MCF2L: variants seen among roughly 807,000 people sequenced by gnomAD.
The protein encoded by MCF2L is MCF.2 cell line derived transforming sequence like.
A neutral mutation model predicts 153.4 loss-of-function variants in MCF2L; 97 were observed. The observed-to-expected ratio is 0.63, with a 90% CI of 0.54 to 0.75. MCF2L has a LOEUF of 0.75. Ranked by LOEUF, MCF2L falls within the 30% of genes least tolerant of loss-of-function variation. The pLI is 0.00. For missense variants in MCF2L, 1,347 were observed against 1,495.2 expected, an observed-to-expected ratio of 0.90 and a Z score of 1.64; for synonymous variants, 659 against 632.2, an observed-to-expected ratio of 1.04 and a Z score of -0.64.
rs2082989883 is a variant in MCF2L at position 112,993,727 on chromosome 13, GAGGTT to G, written c.80-21031_80-21027del. Reference sequence around the variant, plus strand: ...TCAGTCAAGAGAGACTTCAGAGGGAGAGGTTAGGTGATCCCATCCCATTTTAGCAC... The same window carrying G: ...TCAGTCAAGAGAGACTTCAGAGGGAGAGGTGATCCCATCCCATTTTAGCAC... On this transcript the variant is annotated intron_variant, in intron 1 of 29. Coordinates refer to ENST00000535094, the MANE Select transcript of MCF2L (RefSeq NM_001112732.3). This position sits in a 1 kb window ranked among gnomAD's most constrained non-coding sequence, Gnocchi z 4.6. Among the ~76,000 whole-genome samples, 1 of 152,290 alleles carries G rather than the reference GAGGTT, an allele frequency of 6.6e-6. No homozygotes were observed. The highest frequency in any genetic ancestry group is 1.5e-5 in the Non-Finnish European group (1 of 68,036).
chr13:112,948,744 A>G (rs2081661910), intron 2 of MCF2L, among the ~76,000 whole-genome samples: 1 of 152,224 alleles, frequency 6.6e-6, no homozygotes, highest in African/African-American at 2.4e-5. Context: ...AGCAGAAGGA[A>G]GGAAATAACT....
chr13:112,929,327 C>T (rs1048594462), intron 2 of MCF2L, among the ~76,000 whole-genome samples: 7 of 152,234 alleles, frequency 4.6e-5, no homozygotes, highest in African/African-American at 1.7e-4. Flanking sequence ...GATTCCTGCG[C>T]GGCTGCAGCA....
At chr13:113,016,558 C>A (rs550433399) in intron 2 of MCF2L, among the ~76,000 whole-genome samples, 1 of 152,168 alleles carries the variant, frequency 6.6e-6, no homozygotes, top group Admixed American at 6.5e-5. Context: ...CCAAAGCCTC[C>A]GTCGGCTCCT....
Position 112,902,219 on chromosome 13 carries a change from G to C in MCF2L, c.17G>C (p.Arg6Thr), listed in dbSNP as rs761059421. The C allele has an allele frequency of 6.2e-6, 10 of 1,612,640 alleles. No individual in the cohort carries two copies. The African/African-American group carries it at 1.3e-4, about 22-fold the overall frequency. The change falls in exon 2 of 30, where the codon AGA becomes ACA. Residue 6 changes from arginine (R) to threonine (T), a missense_variant. Coordinates refer to the MCF2L transcript ENST00000375608. ...TGCAGCCTCATGTTTGACTGTTGGA[G>C]ATTTATCCTGTGCAAGAGACCTGGA...
chr13:113,042,570 C>T (rs1021848157), intron 3 of MCF2L: 3 of 152,204 alleles, frequency 2.0e-5, no homozygotes, highest in Non-Finnish European at 1.5e-5. Context: ...TGGCATCGGG[C>T]GCCTTTTTCG....
intron 2 of MCF2L, among the ~76,000 whole-genome samples, chr13:113,021,839 T>C (rs947321542): frequency 2.6e-4 from 40 of 152,254 alleles, no homozygotes; most frequent in African/African-American, 9.6e-4. Flanking sequence ...AAGAACAGGG[T>C]CTTTGCTTTG....
intron 1 of MCF2L, among the ~76,000 whole-genome samples, chr13:112,991,459 A>T (rs117926700): frequency 0.016 from 2,406 of 152,298 alleles, 35 homozygotes; most frequent in South Asian, 0.035. Flanking sequence ...TCAGGATACG[A>T]ACACCTTTCA....
chr13:112,990,338 G>A lies in MCF2L; in HGVS notation c.79+20880G>A, dbSNP rs142687591. 1.8e-3 allele frequency among the ~76,000 whole-genome samples: 280 copies of A among 152,326 alleles called. 1 individual carries two copies. Among genetic ancestry groups the A allele is most frequent in the Non-Finnish European group, 3.2e-3 (216 of 68,036 alleles). ...AAACCCTGCAGTGTCAGGTAAGTTC[G>A]GGGACAGGAGACCACTTTGTCTTCA... is the stretch of plus-strand genomic sequence containing the variant. On this transcript the variant is annotated intron_variant, in intron 1 of 29. Transcript: ENST00000535094.
chr13:113,082,670 G>A (rs2034260615), intron 17 of MCF2L, 128 bp downstream of exon 17: 1 of 674,880 alleles, frequency 1.5e-6, no homozygotes, highest in East Asian at 2.8e-5. Flanking sequence ...CCAAGGGGTG[G>A]ACTCACAGAG....
chr13:112,998,321 C>T (rs1173540940), intron 1 of MCF2L, among the ~76,000 whole-genome samples: 1 of 152,074 alleles, frequency 6.6e-6, no homozygotes, highest in African/African-American at 2.4e-5. Flanking sequence ...AACCCAGGGC[C>T]CTGGCATGTC....
chr13:112,927,713 A>G (rs72661912), intron 2 of MCF2L, among the ~76,000 whole-genome samples: 1 of 152,304 alleles, frequency 6.6e-6, no homozygotes, highest in Non-Finnish European at 1.5e-5. Context: ...CTGACCAGGC[A>G]CCTAGATGTA....
chr13:113,064,680 C>T lies in MCF2L; in HGVS notation c.607-256C>T, dbSNP rs2032084634. ...CCCTTGCGTTGTGGTTTGCAACACT[C>T]ACTGCTCTCAACGGGGAGAGGCAGC... On this transcript the variant is annotated intron_variant, in intron 6 of 29. Coordinates refer to ENST00000535094, the MANE Select transcript of MCF2L (RefSeq NM_001112732.3). This position sits in a 1 kb window ranked among gnomAD's most constrained non-coding sequence, Gnocchi z 6.0. 1 of 584,936 alleles carries T rather than the reference C, an allele frequency of 1.7e-6. No individual in the cohort carries two copies. Among genetic ancestry groups the T allele is most frequent in the Admixed American group, 3.0e-5 (1 of 33,292 alleles). The allele number at this position is 584,936 out of a possible 1,614,324, so 36.2% of individuals were successfully genotyped here.
chr13:113,024,809 G>A (rs775097508), intron 3 of MCF2L, 51 bp downstream of exon 3: 1 of 1,444,042 alleles, frequency 6.9e-7, no homozygotes, highest in African/African-American at 1.4e-5. Context: ...CAGAGTCCCT[G>A]TGAGATTTCA....
In MCF2L at chr13:113,096,133, G is replaced by A. The variant is rs534959448; in HGVS notation, c.3076-238G>A. 73 of 587,522 alleles carry A rather than the reference G, an allele frequency of 1.2e-4. No homozygotes were observed. In the South Asian group the frequency reaches 1.4e-3, roughly 11 times the overall value. The allele number at this position is 587,522 out of a possible 1,614,324, so 36.4% of individuals were successfully genotyped here. A position where few individuals can be genotyped will look rare whatever the true frequency, so the allele number is the denominator to read the frequency against. On this transcript the variant is annotated intron_variant, in intron 27 of 29. Coordinates refer to ENST00000535094, the MANE Select transcript of MCF2L (RefSeq NM_001112732.3). The stretch of plus-strand genomic sequence containing the variant: ...GAGAGCTGTGTGTGGAGACCAGCGT[G>A]AGGGGCTGGGGCAGCTGGGCCCAAA...
intron 5 of MCF2L, chr13:113,063,953 G>T: frequency 2.4e-6 from 1 of 419,642 alleles, no homozygotes. Flanking sequence ...CTGTGGCATG[G>T]ATGACCCGTG....
At chr13:112,937,811 C>G (rs1280355841) in intron 2 of MCF2L, among the ~76,000 whole-genome samples, 1 of 3,016 alleles carries the variant, frequency 3.3e-4, no homozygotes, top group East Asian at 9.3e-3. Flanking sequence ...TTCAGGTGTG[C>G]TCTGAGTGGT....
intron 1 of MCF2L, among the ~76,000 whole-genome samples, chr13:112,976,088 T>C (rs1463770583): frequency 1.3e-5 from 2 of 152,088 alleles, no homozygotes; most frequent in South Asian, 2.1e-4. Flanking sequence ...TCCTTCTAAA[T>C]TATGGGATTG....
At chr13:112,916,704 A>G (rs2081295564) in intron 2 of MCF2L, among the ~76,000 whole-genome samples, 2 of 152,048 alleles carry the variant, frequency 1.3e-5, no homozygotes, top group African/African-American at 4.8e-5. Context: ...CCAGTCTCTG[A>G]GCCACAGTGG....
At chr13:112,942,459 G>A (rs2081585655) in intron 2 of MCF2L, among the ~76,000 whole-genome samples, 1 of 152,010 alleles carries the variant, frequency 6.6e-6, no homozygotes, top group Non-Finnish European at 1.5e-5. Context: ...CTGGCATTCG[G>A]GGCCACTACC....
Sources: gnomAD v4.1 joint callset for allele counts (sites outside exome capture counted in the v4.1 genomes callset) on GRCh38, gnomAD v4.1.1 for gene constraint, Gnocchi (gnomAD v3.1) non-coding constraint, MANE v1.5 for transcripts, NCBI Gene and HGNC (gene_info 2026-07-23, HGNC 2026-07-21) for gene names.